Variants in TFPI observed in about 807,000 individuals in gnomAD.
The protein encoded by TFPI is anti-convertin.
A neutral mutation model predicts 34.6 loss-of-function variants in TFPI; 15 were observed. The ratio of observed to expected loss-of-function variants is 0.43; its 90% confidence interval spans 0.29 to 0.67. TFPI has a LOEUF of 0.67. Ranked by LOEUF, TFPI falls within the 30% of genes least tolerant of loss-of-function variation. The pLI is 0.15. For missense variants in TFPI, 301 were observed against 364.0 expected (o/e 0.83, Z 1.41); for synonymous variants, 105 against 120.1 (o/e 0.87, Z 0.82).
chr2:187,535,087 G>C (rs899354746), intron 1 of TFPI, among the ~76,000 whole-genome samples: 4 of 152,046 alleles, frequency 2.6e-5, no homozygotes, highest in Non-Finnish European at 4.4e-5. Flanking sequence ...GATTCATAAA[G>C]CAAGTTATTA....
chr2:187,469,286 T>C (rs982889720), intron 6 of TFPI, among the ~76,000 whole-genome samples: 5 of 152,070 alleles, frequency 3.3e-5, no homozygotes, highest in African/African-American at 1.2e-4. Context: ...CCAAACTATA[T>C]CAATAAGATA....
Position 187,553,887 on chromosome 2 carries a change from A to C in TFPI, c.-3+313T>G, listed in dbSNP as rs140086140. Among the ~76,000 whole-genome samples, 549 of 152,336 alleles carry C rather than the reference A, an allele frequency of 3.6e-3. 1 individual carries two copies. The highest frequency in any genetic ancestry group is 8.2e-3 in the African/African-American group (343 of 41,582). Reference sequence around the variant, plus strand: ...TCCAATTAACCAAGCACAATTAGTAAAGAATTCTACTACAATCTTCAAATT... The same window carrying C: ...TCCAATTAACCAAGCACAATTAGTACAGAATTCTACTACAATCTTCAAATT... On this transcript the variant is annotated intron_variant, in intron 1 of 7. Transcript: ENST00000233156.
chr2:187,484,012 C>T, intron 6 of TFPI, 112 bp downstream of exon 6: 1 of 835,128 alleles, frequency 1.2e-6, no homozygotes, highest in Non-Finnish European at 1.9e-6. Flanking sequence ...CATTATTAAG[C>T]AACAACGCAG....
intron 2 of TFPI, among the ~76,000 whole-genome samples, chr2:187,502,696 A>G (rs544722930): frequency 1.3e-5 from 2 of 152,154 alleles, no homozygotes; most frequent in Admixed American, 1.3e-4. Flanking sequence ...CACTTTGTGT[A>G]CTACTTTATA....
chr2:187,473,019 A>G (rs546184411), intron 6 of TFPI, among the ~76,000 whole-genome samples: 39 of 152,312 alleles, frequency 2.6e-4, no homozygotes, highest in African/African-American at 9.1e-4. Flanking sequence ...TCTCGAAAAA[A>G]AAAGAAAGAA....
At chr2:187,529,061 T>A (rs76268128) in intron 1 of TFPI, among the ~76,000 whole-genome samples, 3,148 of 152,222 alleles carry the variant, frequency 0.021, 112 homozygotes, top group African/African-American at 0.072. Flanking sequence ...ATATTATAAA[T>A]GAAATTTATG....
intron 1 of TFPI, chr2:187,513,728 G>GCCTATGTCCCA (rs1686804922): frequency 6.6e-6 from 1 of 152,512 alleles, no homozygotes; most frequent in African/African-American, 2.4e-5. Flanking sequence ...ATAGTCCCAG[G>GCCTATGTCCCA]GGAAAACCCT....
At chr2:187,529,195 A>G (rs1285802377) in intron 1 of TFPI, among the ~76,000 whole-genome samples, 4 of 152,216 alleles carry the variant, frequency 2.6e-5, no homozygotes, top group African/African-American at 7.2e-5. Flanking sequence ...GGTGGCTTTT[A>G]TTTGCTATCA....
chr2:187,545,070 C>T (rs1459578309), intron 1 of TFPI, among the ~76,000 whole-genome samples: 4 of 152,120 alleles, frequency 2.6e-5, no homozygotes, highest in Non-Finnish European at 5.9e-5. Flanking sequence ...GTGATCGTGC[C>T]ACTGCGCTCC....
rs550810094 is a variant in TFPI, at chr2:187,490,061, A to G, written c.320-1686T>C. Among the ~76,000 whole-genome samples the G allele has an allele frequency of 2.5e-4, 38 of 151,770 alleles. No individual in the cohort carries two copies. The South Asian group carries it at 7.5e-3, about 30-fold the overall frequency. On this transcript the variant is annotated intron_variant, in intron 3 of 7. Transcript: ENST00000233156. ...TTAATATTTCATTATGAATATTAAG[A>G]TGTAAGACTGACAAGCAAAAATATC...
chr2:187,513,512 A>G (rs1686789058), intron 1 of TFPI: 4 of 152,458 alleles, frequency 2.6e-5, no homozygotes, highest in Admixed American at 2.6e-4. Flanking sequence ...TCAAAACTAA[A>G]AGTCTTTTAG....
chr2:187,490,187 T>C (rs1029011924), intron 3 of TFPI, among the ~76,000 whole-genome samples: 15 of 151,700 alleles, frequency 9.9e-5, no homozygotes, highest in Admixed American at 9.9e-4. Context: ...GTGTGCCAGA[T>C]GTAAATAATG....
chr2:187,475,878 A>G (rs1399453556), intron 6 of TFPI, among the ~76,000 whole-genome samples: 1 of 152,236 alleles, frequency 6.6e-6, no homozygotes, highest in Non-Finnish European at 1.5e-5. Context: ...ACTGATGTCC[A>G]AATTCCCTCT....
chr2:187,478,035 A>T (rs1685758786), intron 6 of TFPI, among the ~76,000 whole-genome samples: 2 of 152,120 alleles, frequency 1.3e-5, no homozygotes, highest in Admixed American at 6.5e-5. Flanking sequence ...AGTCTACCTG[A>T]ATTTTCTTCC....
intron 2 of TFPI, among the ~76,000 whole-genome samples, chr2:187,499,862 T>C (rs540208255): frequency 6.6e-6 from 1 of 152,292 alleles, no homozygotes; most frequent in East Asian, 1.9e-4. Context: ...AGACAAGTTA[T>C]TGAGGTAGTG....
intron 6 of TFPI, among the ~76,000 whole-genome samples, chr2:187,480,143 G>C (rs991528179): frequency 1.3e-5 from 2 of 151,924 alleles, no homozygotes; most frequent in East Asian, 3.9e-4. Flanking sequence ...TAAAATATTA[G>C]TCATGATTTT....
intron 6 of TFPI, among the ~76,000 whole-genome samples, chr2:187,482,693 G>C (rs1160980005): frequency 6.6e-6 from 1 of 151,758 alleles, no homozygotes; most frequent in East Asian, 1.9e-4. Context: ...AATTTTTTAA[G>C]ATCTCACATA....
chr2:187,523,822 G>C (rs1687542407), intron 1 of TFPI, among the ~76,000 whole-genome samples: 1 of 151,616 alleles, frequency 6.6e-6, no homozygotes, highest in Non-Finnish European at 1.5e-5. Flanking sequence ...TCACAATTTT[G>C]TACAAATATT....
chr2:187,515,382 C>T (rs1051300655), intron 1 of TFPI: 8 of 152,270 alleles, frequency 5.3e-5, no homozygotes, highest in African/African-American at 1.7e-4. Flanking sequence ...CCTTGCTCCC[C>T]GTATCAGAGA....
Sources: gnomAD v4.1 joint callset for allele counts (sites outside exome capture counted in the v4.1 genomes callset) on GRCh38, gnomAD v4.1.1 for gene constraint, MANE v1.5 for transcripts, NCBI Gene and HGNC (gene_info 2026-07-23, HGNC 2026-07-21) for gene names.